The following MRM3 variants were observed in gnomAD, a reference collection of about 807,000 sequenced individuals.
MRM3 encodes the protein rRNA methyltransferase 3, mitochondrial.
A neutral mutation model predicts 29.4 loss-of-function variants in MRM3; 26 were observed. That is an observed-to-expected ratio of 0.89 (90% confidence interval 0.65 to 1.23). The LOEUF (loss-of-function observed/expected upper bound fraction) is 1.23, where lower values mean the gene tolerates loss of function less well. MRM3 is among the 50% of genes most tolerant of loss of function. The probability of loss-of-function intolerance (pLI) is 0.00; values close to 1 mark genes in which losing one functional copy is unlikely to be tolerated. For synonymous variants in MRM3, 225 were observed against 219.0 expected (o/e 1.03, Z -0.24); for missense variants, 578 against 540.2 (o/e 1.07, Z -0.69).
At chr17:783,768 G>C (rs544740603) in intron 2 of MRM3, among the ~76,000 whole-genome samples, 6 of 152,284 alleles carry the variant, frequency 3.9e-5, no homozygotes, top group South Asian at 2.1e-4. Context: ...GTATCTTAGA[G>C]TATTTTCAAT....
Position 783,461 on chromosome 17 carries a change from G to A in MRM3, c.559+134G>A, listed in dbSNP as rs542123644. The A allele has an allele frequency of 3.6e-5, 31 of 859,056 alleles. No homozygotes were observed. In the African/African-American group the frequency reaches 3.6e-4, roughly 10 times the overall value. The allele number at this position is 859,056 out of a possible 1,614,324, so 53.2% of individuals were successfully genotyped here. A position where few individuals can be genotyped will look rare whatever the true frequency, so the allele number is the denominator to read the frequency against. On this transcript the variant is annotated intron_variant, in intron 2 of 3. Coordinates refer to ENST00000304478, the MANE Select transcript of MRM3 (RefSeq NM_018146.4). The stretch of plus-strand genomic sequence containing the variant: ...AAGGGATTCTCTTGCCTCAGCCTCC[G>A]CAGTAGCTGGGATTACAGGCGTCTG...
rs1032016292 is a variant in MRM3 at position 787,858 on chromosome 17, G to C, written c.560-107G>C. 1 of 1,184,112 alleles carries C rather than the reference G, an allele frequency of 8.4e-7. No individual in the cohort carries two copies. The highest frequency in any genetic ancestry group is 1.2e-6 in the Non-Finnish European group (1 of 807,770). 73.4% of individuals were successfully genotyped at this position (1,184,112 alleles called of 1,614,324 possible). On this transcript the variant is annotated intron_variant, in intron 2 of 3. Transcript: ENST00000304478. This position sits in a 1 kb window ranked among gnomAD's most constrained non-coding sequence, Gnocchi z 4.1. ...GCCAGTACACCTGGCCTGTATTCCT[G>C]TATTTTTATGTAACTAAGACCATAT...
chr17:792,291 A>G lies in MRM3; in HGVS notation c.*222A>G, dbSNP rs2144533582. 2 of 507,832 alleles carry G rather than the reference A, an allele frequency of 3.9e-6. No individual in the cohort carries two copies. Among genetic ancestry groups the G allele is most frequent in the Non-Finnish European group, 6.8e-6 (2 of 292,980 alleles). The allele number at this position is 507,832 out of a possible 1,614,324, so 31.5% of individuals were successfully genotyped here. On this transcript the variant is annotated 3_prime_UTR_variant, in exon 4 of 4. Transcript: ENST00000304478. ...GAGGTTCTTTTTTCTCTTGGTGACA[A>G]TAGGTGACCCACGTGGCTCTGTGTG...
At position 787,803 on chromosome 17, in the gene MRM3, C is replaced by T. The variant is rs1910609389; in HGVS notation, c.560-162C>T. ...ACCTCAGGTGATCCACCCGCCTTGG[C>T]CTCCCGAAGTGTTGGGATTACAGGC... is the stretch of plus-strand genomic sequence containing the variant. On this transcript the variant is annotated intron_variant, in intron 2 of 3. Transcript: ENST00000304478. This position sits in a 1 kb window ranked among gnomAD's most constrained non-coding sequence, Gnocchi z 4.1. Among the ~76,000 whole-genome samples the T allele has an allele frequency of 6.6e-6, 1 of 152,230 alleles. No homozygotes were observed. The highest frequency in any genetic ancestry group is 1.5e-5 in the Non-Finnish European group (1 of 68,038).
intron 3 of MRM3, among the ~76,000 whole-genome samples, chr17:788,472 CT>C (rs56865712): frequency 0.012 from 1,393 of 121,024 alleles, 10 homozygotes; most frequent in African/African-American, 0.029. Flanking sequence ...TTGGTCTGGT[CT>C]TTTTTTTTTT....
At chr17:783,916 G>A (rs770101447) in intron 2 of MRM3, among the ~76,000 whole-genome samples, 2 of 152,040 alleles carry the variant, frequency 1.3e-5, no homozygotes, top group Non-Finnish European at 2.9e-5. Flanking sequence ...TTAAGAAAGC[G>A]TTTACTGAAA....
Position 791,970 on chromosome 17 carries a change from C to A in MRM3, c.1164C>A (p.Ser388Arg). 1 of 1,614,044 alleles carries A rather than the reference C, an allele frequency of 6.2e-7. No individual in the cohort carries two copies. The highest frequency in any genetic ancestry group is 8.5e-7 in the Non-Finnish European group (1 of 1,180,038). Residue 388 changes from serine to arginine, a missense_variant, in exon 4 of 4, where the codon AGC becomes AGA. Transcript: ENST00000304478. ...TCCCCGTTGTGCCTGGTGTGGACAGCCTCAACTCGGCCATGGCGGCAAGCA... is the reference window on the plus strand; with the variant it reads ...TCCCCGTTGTGCCTGGTGTGGACAGACTCAACTCGGCCATGGCGGCAAGCA... ...LLIPVVPGVD[S>R]LNSAMAASIL...
Position 783,210 on chromosome 17 carries a change from C to G in MRM3, c.442C>G (p.Arg148Gly). 2 of 1,614,114 alleles carry G rather than the reference C, an allele frequency of 1.2e-6. No individual in the cohort carries two copies. Among genetic ancestry groups the G allele is most frequent in the Non-Finnish European group, 1.7e-6 (2 of 1,180,018 alleles). ...TGTGCCAAAAATGTTCTTCTTTAGC[C>G]GTCTAGAATACCTAAAGGAGTTGCC... ...GAVPKMFFFS[R>G]LEYLKELPVD... The change falls in exon 2 of 4, where the codon CGT becomes GGT. Residue 148 changes from arginine (R) to glycine (G), a missense_variant. Physicochemically the swap from Arg to Gly is moderately radical, Grantham distance 125 (BLOSUM62 -2). Coordinates refer to ENST00000304478, the MANE Select transcript of MRM3 (RefSeq NM_018146.4).
At chr17:791,230 C>G (rs1467245873) in intron 3 of MRM3, among the ~76,000 whole-genome samples, 1 of 152,130 alleles carries the variant, frequency 6.6e-6, no homozygotes, top group Admixed American at 6.5e-5. Flanking sequence ...AATACCACCC[C>G]ACTACACTGT....
At position 783,218 on chromosome 17, in the gene MRM3, A is replaced by G. The variant is rs199541736; in HGVS notation, c.450A>G (p.Glu150=). 1.1e-4 allele frequency: 182 copies of G among 1,614,196 alleles called. No individual in the cohort carries two copies. Among genetic ancestry groups the G allele is most frequent in the Non-Finnish European group, 1.3e-4 (158 of 1,180,040 alleles). Residue 150 remains glutamate (E), a synonymous_variant, in exon 2 of 4, where the codon GAA becomes GAG. Coordinates refer to ENST00000304478, the MANE Select transcript of MRM3 (RefSeq NM_018146.4). ...VPKMFFFSRL[E]YLKELPVDKL... ...AAATGTTCTTCTTTAGCCGTCTAGAATACCTAAAGGAGTTGCCAGTCGATA... is the reference window on the plus strand; with the variant it reads ...AAATGTTCTTCTTTAGCCGTCTAGAGTACCTAAAGGAGTTGCCAGTCGATA...
In MRM3 at chr17:783,520, A is replaced by G. The variant is rs527327348; in HGVS notation, c.559+193A>G. The G allele has an allele frequency of 6.3e-6, 3 of 475,510 alleles. No individual in the cohort carries two copies. In the East Asian group the frequency reaches 1.3e-4, roughly 20 times the overall value. 29.5% of individuals were successfully genotyped at this position (475,510 alleles called of 1,614,324 possible). A position where few individuals can be genotyped will look rare whatever the true frequency, so the allele number is the denominator to read the frequency against. ...CCCGGGTGATTTTTGTATTTTTAGT[A>G]GAGGTGGGGTTTCACCATGTTGGCC... On this transcript the variant is annotated intron_variant, in intron 2 of 3. Transcript: ENST00000304478.
At chr17:784,469 G>A (rs1263822240) in intron 2 of MRM3, among the ~76,000 whole-genome samples, 1 of 151,854 alleles carries the variant, frequency 6.6e-6, no homozygotes, top group East Asian at 1.9e-4. Flanking sequence ...GGGCAGGTGT[G>A]CTCACAGTGG....
At position 791,855 on chromosome 17, in the gene MRM3, C is replaced by G. The variant is rs140748645; in HGVS notation, c.1049C>G (p.Pro350Arg). Residue 350 changes from proline to arginine, a missense_variant, in exon 4 of 4, where the codon CCG (proline) becomes CGG (arginine). Pro to Arg is a moderately radical substitution (Grantham distance 103, BLOSUM62 -2). Transcript: ENST00000304478. Reference protein sequence around the residue: ...QSYDSDWTEAPAAVVIGGETY... With the variant: ...QSYDSDWTEARAAVVIGGETY... The stretch of plus-strand genomic sequence containing the variant: ...TACGACTCGGACTGGACAGAGGCGC[C>G]GGCAGCTGTGGTGATTGGCGGGGAG... The G allele has an allele frequency of 1.1e-5, 17 of 1,614,096 alleles. No homozygotes were observed. The Admixed American group carries it at 2.5e-4, about 24-fold the overall frequency.
intron 2 of MRM3, among the ~76,000 whole-genome samples, chr17:786,707 C>T (rs1910551844): frequency 6.6e-6 from 1 of 152,164 alleles, no homozygotes; most frequent in African/African-American, 2.4e-5. Context: ...CTGCGCCCAG[C>T]CGAAAACAGG....
At chr17:783,860 T>G (rs1306422591) in intron 2 of MRM3, among the ~76,000 whole-genome samples, 4 of 152,206 alleles carry the variant, frequency 2.6e-5, no homozygotes, top group Admixed American at 2.6e-4. Flanking sequence ...CCTCAAACCT[T>G]CTATTTTTTA....
intron 2 of MRM3, 76 bp downstream of exon 2, chr17:783,403 C>T: frequency 7.1e-7 from 1 of 1,406,138 alleles, no homozygotes; most frequent in Non-Finnish European, 9.5e-7. Context: ...ATGGCGCGAT[C>T]TCGGCCCACT....
rs145381881 is a variant in MRM3, at chr17:785,039, T to C, written c.559+1712T>C. ...ACTTCAGTCAGTAGCCCATTTATTG[T>C]AGCAATCATATACGACAAAATACTA... On this transcript the variant is annotated intron_variant, in intron 2 of 3. Coordinates refer to ENST00000304478, the MANE Select transcript of MRM3 (RefSeq NM_018146.4). Among the ~76,000 whole-genome samples, 19 of 152,330 alleles carry C rather than the reference T, an allele frequency of 1.2e-4. No individual in the cohort carries two copies. In the East Asian group the frequency reaches 2.7e-3, roughly 22 times the overall value.
rs1418571702 is a variant in MRM3, at chr17:782,411, C to T, written c.33C>T (p.Val11=). Residue 11 remains valine, a synonymous_variant, in exon 1 of 4, where the codon GTC becomes GTT. Coordinates refer to ENST00000304478, the MANE Select transcript of MRM3 (RefSeq NM_018146.4). ...CGCTGGTGAGACCCGCGAGGTTTGT[C>T]GTGCGACCGTTGCTGCAGGTGGTCC... MAALVRPARF[V]VRPLLQVVQA... is the part of the protein sequence containing the mutation. 6.2e-6 allele frequency: 10 copies of T among 1,613,838 alleles called. No homozygotes were observed. Among genetic ancestry groups the T allele is most frequent in the East Asian group, 2.2e-5 (1 of 44,870 alleles).
In MRM3 at chr17:783,066, T is replaced by A. The variant is rs1463777767; in HGVS notation, c.315-17T>A. 6.3e-6 allele frequency: 10 copies of A among 1,576,902 alleles called. No homozygotes were observed. The highest frequency in any genetic ancestry group is 1.1e-5 in the South Asian group (1 of 87,036). ...TGTTGATAGTTACCTGTTTTTTTTTTTTATTTCCATCTACAGCAGTGTAAT... is the reference window on the plus strand; with the variant it reads ...TGTTGATAGTTACCTGTTTTTTTTTATTATTTCCATCTACAGCAGTGTAAT... On this transcript the variant is annotated splice_polypyrimidine_tract_variant and intron_variant, in intron 1 of 3. Coordinates refer to ENST00000304478, the MANE Select transcript of MRM3 (RefSeq NM_018146.4).
Sources: allele counts gnomAD v4.1 joint callset (sites outside exome capture counted in the v4.1 genomes callset), GRCh38; gene constraint gnomAD v4.1.1; non-coding constraint Gnocchi (gnomAD v3.1); transcripts MANE v1.5; gene names NCBI Gene and HGNC (gene_info 2026-07-23, HGNC 2026-07-21).